C1orf52: variants seen among roughly 807,000 people sequenced by gnomAD.
C1orf52 encodes UPF0690 protein C1orf52.
C1orf52 carries 5 observed loss-of-function variants against 17.2 expected under a neutral mutation model. That is an observed-to-expected ratio of 0.29 (90% CI 0.15 to 0.61). C1orf52 has a LOEUF of 0.61. C1orf52 is among the 20% of genes least tolerant of loss of function. C1orf52 has a pLI of 0.85. For missense variants in C1orf52, 245 were observed against 234.1 expected, an observed-to-expected ratio of 1.05 and a Z score of -0.30; for synonymous variants, 110 against 88.0, an observed-to-expected ratio of 1.25 and a Z score of -1.40.
intron 2 of C1orf52, among the ~76,000 whole-genome samples, chr1:85,254,980 A>T (rs1429541768): frequency 6.6e-6 from 1 of 152,246 alleles, no homozygotes; most frequent in East Asian, 1.9e-4. Context: ...TATAAACTAG[A>T]GTAGGAAAAA....
chr1:85,256,197 A>G (rs921095164), intron 2 of C1orf52, among the ~76,000 whole-genome samples: 3 of 152,228 alleles, frequency 2.0e-5, no homozygotes, highest in Admixed American at 6.5e-5. Context: ...ATTTCTATTT[A>G]AAGGTCTGGA....
intron 2 of C1orf52, chr1:85,257,337 C>G: frequency 1.6e-6 from 1 of 641,030 alleles, no homozygotes; most frequent in South Asian, 1.8e-5. Context: ...GAGATTTCTT[C>G]TTTTGATTTG....
At chr1:85,255,279 C>T (rs555792226) in intron 2 of C1orf52, among the ~76,000 whole-genome samples, 2 of 152,200 alleles carry the variant, frequency 1.3e-5, no homozygotes, top group South Asian at 4.1e-4. Flanking sequence ...TGGCAGGGTG[C>T]GGTGGCTCAC....
rs1392470880 is a variant in C1orf52, at chr1:85,258,652, T to C, written c.347A>G (p.Lys116Arg). The C allele has an allele frequency of 6.2e-7, 1 of 1,613,904 alleles. No homozygotes were observed. Among genetic ancestry groups the C allele is most frequent in the Admixed American group, 1.7e-5 (1 of 60,026 alleles). ...PPPETYTTEK[K>R]PPPPELDMAI... ...CATGTCAAGCTCTGGAGGCGGAGGC[T>C]TCTTCTCAGTGGTGTAGGTCTCAGG... Residue 116 changes from lysine (K) to arginine (R), a missense_variant, in exon 2 of 3, where the codon AAG (lysine) becomes AGG (arginine). By Grantham distance (26) the Lys-to-Arg change is conservative. Coordinates refer to ENST00000471115, the MANE Select transcript of C1orf52 (RefSeq NM_198077.4).
Position 85,259,396 on chromosome 1 carries a change from T to C in C1orf52, c.238A>G (p.Ile80Val), listed in dbSNP as rs201875966. Reference sequence around the variant, plus strand: ...TTGACGACGTGCCTCTCCCAGTCTATCTGTTTGTTGAGCGGATTGTAGAGA... The same window carrying C: ...TTGACGACGTGCCTCTCCCAGTCTACCTGTTTGTTGAGCGGATTGTAGAGA... ...AFLYNPLNKQ[I>V]DWERHVVKAP... The change falls in exon 1 of 3, where the codon ATA becomes GTA. Residue 80 changes from isoleucine to valine, a missense_variant. Physicochemically the swap from Ile to Val is conservative, Grantham distance 29 (BLOSUM62 3). Coordinates refer to ENST00000471115, the MANE Select transcript of C1orf52 (RefSeq NM_198077.4). 6.2e-7 allele frequency: 1 copy of C among 1,613,902 alleles called. No individual in the cohort carries two copies. The highest frequency in any genetic ancestry group is 1.7e-5 in the Admixed American group (1 of 60,018).
intron 1 of C1orf52, 90 bp from the exon 2 acceptor site, chr1:85,258,812 C>T: frequency 7.1e-7 from 1 of 1,414,948 alleles, no homozygotes; most frequent in Non-Finnish European, 9.3e-7. Context: ...GTTCGCTTAT[C>T]GTTCAGGCTG....
chr1:85,254,950 G>A (rs571050532), intron 2 of C1orf52, among the ~76,000 whole-genome samples: 3 of 152,246 alleles, frequency 2.0e-5, no homozygotes, highest in African/African-American at 7.2e-5. Flanking sequence ...GCCATCTAGT[G>A]TCATGACAAG....
At chr1:85,256,477 T>C (rs528176963) in intron 2 of C1orf52, among the ~76,000 whole-genome samples, 3 of 152,222 alleles carry the variant, frequency 2.0e-5, no homozygotes, top group Non-Finnish European at 4.4e-5. Flanking sequence ...GTAATAAAGA[T>C]TATTTAAGCA....
Position 85,259,648 on chromosome 1 carries a change from A to AG in C1orf52, c.-16_-15insC. ...TCCGCTGCCATGACGGCTGCGAGCG[A>AG]CAACCCAGCACTCCGCCGGAAGCCG... On this transcript the variant is annotated 5_prime_UTR_variant, in exon 1 of 3. Transcript: ENST00000471115. The AG allele has an allele frequency of 2.6e-6, 4 of 1,516,054 alleles. No individual in the cohort carries two copies. Among genetic ancestry groups the AG allele is most frequent in the Non-Finnish European group, 3.5e-6 (4 of 1,129,132 alleles). The allele number at this position is 1,516,054 out of a possible 1,614,324, so 93.9% of individuals were successfully genotyped here. A position where few individuals can be genotyped will look rare whatever the true frequency, so the allele number is the denominator to read the frequency against.
Position 85,259,621 on chromosome 1 carries a change from C to T in C1orf52, c.13G>A (p.Glu5Lys). ...GCAAAATAGCTCAGAGGGTCCTTCT[C>T]CTCCGCTGCCATGACGGCTGCGAGC... Reference protein sequence around the residue: MAAEEKDPLSYFAAY... With the variant: MAAEKKDPLSYFAAY... Residue 5 changes from glutamate (E) to lysine (K), a missense_variant, in exon 1 of 3, where the codon GAG becomes AAG. Physicochemically the swap from Glu to Lys is moderately conservative, Grantham distance 56. Transcript: ENST00000471115. 1.3e-6 allele frequency: 2 copies of T among 1,559,558 alleles called. No homozygotes were observed. Among genetic ancestry groups the T allele is most frequent in the East Asian group, 2.4e-5 (1 of 41,624 alleles).
intron 2 of C1orf52, among the ~76,000 whole-genome samples, chr1:85,255,176 T>C (rs1279859192): frequency 1.3e-5 from 2 of 152,248 alleles, no homozygotes; most frequent in African/African-American, 4.8e-5. Flanking sequence ...ATATTAATTA[T>C]GCTTTTACAA....
chr1:85,257,573 T>C (rs1163548712), intron 2 of C1orf52: 6 of 671,788 alleles, frequency 8.9e-6, no homozygotes, highest in Non-Finnish European at 1.6e-5. Context: ...AGGCAAGTTA[T>C]ATAATCAGAT....
Position 85,250,517 on chromosome 1 carries a change from TAG to T in C1orf52, c.*2110_*2111del, listed in dbSNP as rs1333903992. 1 of 152,216 alleles carries T rather than the reference TAG, an allele frequency of 6.6e-6. No individual in the cohort carries two copies. Among genetic ancestry groups the T allele is most frequent in the Non-Finnish European group, 1.5e-5 (1 of 68,054 alleles). 9.4% of individuals were successfully genotyped at this position (152,216 alleles called of 1,614,324 possible). A position where few individuals can be genotyped will look rare whatever the true frequency, so the allele number is the denominator to read the frequency against. On this transcript the variant is annotated 3_prime_UTR_variant, in exon 3 of 3. Coordinates refer to ENST00000471115, the MANE Select transcript of C1orf52 (RefSeq NM_198077.4). ...CTATTCTCTAATGTGATGATGAATGTAGAGTGATATGACAGTCCGTTTTCCAA... is the reference window on the plus strand; with the variant it reads ...CTATTCTCTAATGTGATGATGAATGTAGTGATATGACAGTCCGTTTTCCAA...
At chr1:85,257,717 C>T (rs910094243) in intron 2 of C1orf52, among the ~76,000 whole-genome samples, 6 of 152,200 alleles carry the variant, frequency 3.9e-5, no homozygotes, top group South Asian at 4.1e-4. Flanking sequence ...TAAAACAACT[C>T]AGTCATTATC....
Position 85,251,666 on chromosome 1 carries a change from T to G in C1orf52, c.*963A>C, listed in dbSNP as rs967713912. On this transcript the variant is annotated 3_prime_UTR_variant, in exon 3 of 3. Coordinates refer to ENST00000471115, the MANE Select transcript of C1orf52 (RefSeq NM_198077.4). ...TATATGTCCTGAATATTAAATATAC[T>G]AAAACATTATTTATCTGAAATTCAA... 3 of 152,210 alleles carry G rather than the reference T, an allele frequency of 2.0e-5. No individual in the cohort carries two copies. The highest frequency in any genetic ancestry group is 2.9e-5 in the Non-Finnish European group (2 of 68,036). 9.4% of individuals were successfully genotyped at this position (152,210 alleles called of 1,614,324 possible).
intron 2 of C1orf52, 55 bp downstream of exon 2, chr1:85,258,469 T>TAAA (rs1660000491): frequency 2.8e-6 from 4 of 1,411,878 alleles, no homozygotes; most frequent in Non-Finnish European, 3.9e-6. Context: ...CTCATTCTTT[T>TAAA]TAAGCCCATC....
rs1015606711 is a variant in C1orf52 at position 85,257,505 on chromosome 1, G to C, written c.475+1019C>G. On this transcript the variant is annotated intron_variant, in intron 2 of 2. Transcript: ENST00000471115. ...GGGCCATTAAAAATGACTGTGGACA[G>C]GGAGAAAGGGCCTATTAATACAAGG... 27 of 715,990 alleles carry C rather than the reference G, an allele frequency of 3.8e-5. No individual in the cohort carries two copies. The African/African-American group carries it at 4.6e-4, about 12-fold the overall frequency. The allele number at this position is 715,990 out of a possible 1,614,324, so 44.4% of individuals were successfully genotyped here.
rs114848385 is a variant in C1orf52, at chr1:85,256,084, C to T, written c.475+2440G>A. Among the ~76,000 whole-genome samples, 1,086 of 152,202 alleles carry T rather than the reference C, an allele frequency of 7.1e-3. 13 individuals are homozygous for T. Among genetic ancestry groups the T allele is most frequent in the African/African-American group, 0.024 (997 of 41,500 alleles). ...ATGGAAATCTAGTTTGAGTATCAAC[C>T]CTAGTATCTTTACTGCCATTCGCCC... On this transcript the variant is annotated intron_variant, in intron 2 of 2. Coordinates refer to ENST00000471115, the MANE Select transcript of C1orf52 (RefSeq NM_198077.4).
In C1orf52 at chr1:85,255,433, C is replaced by T. The variant is rs541951024; in HGVS notation, c.476-2731G>A. On this transcript the variant is annotated intron_variant, in intron 2 of 2. Coordinates refer to ENST00000471115, the MANE Select transcript of C1orf52 (RefSeq NM_198077.4). ...GGCGTGGTGGCGTGTGCCTGTAGTCCCAGCTACTTGGCAGGCTGAGGCAGG... is the reference window on the plus strand; with the variant it reads ...GGCGTGGTGGCGTGTGCCTGTAGTCTCAGCTACTTGGCAGGCTGAGGCAGG... Among the ~76,000 whole-genome samples, 696 of 152,162 alleles carry T rather than the reference C, an allele frequency of 4.6e-3. 10 individuals are homozygous for T. The highest frequency in any genetic ancestry group is 6.2e-3 in the Admixed American group (94 of 15,272).
Sources: gnomAD v4.1 joint callset for allele counts (sites outside exome capture counted in the v4.1 genomes callset) on GRCh38, gnomAD v4.1.1 for gene constraint, MANE v1.5 for transcripts, NCBI Gene and HGNC (gene_info 2026-07-23, HGNC 2026-07-21) for gene names.